DCAKD: variants seen among roughly 807,000 people sequenced by gnomAD.
DCAKD encodes the protein dephospho-CoA kinase domain-containing protein.
In DCAKD, 15 loss-of-function variants were observed where a neutral mutation model predicts 18.7. The ratio of observed to expected loss-of-function variants is 0.80; its 90% confidence interval spans 0.54 to 1.24. The LOEUF (loss-of-function observed/expected upper bound fraction) is 1.24. Ranked by LOEUF, DCAKD falls within the 50% of genes most tolerant of loss-of-function variation. The probability of loss-of-function intolerance (pLI) is 0.00; values close to 1 mark genes in which losing one functional copy is unlikely to be tolerated. For synonymous variants in DCAKD, 130 were observed against 133.0 expected (o/e 0.98, Z 0.16); for missense variants, 301 against 322.0 (o/e 0.93, Z 0.50).
chr17:45,046,840 C>G (rs1217028843), intron 1 of DCAKD, among the ~76,000 whole-genome samples: 1 of 152,038 alleles, frequency 6.6e-6, no homozygotes, highest in Non-Finnish European at 1.5e-5. Flanking sequence ...AAAGGCATAA[C>G]CATCCACCCA....
At chr17:45,046,287 G>A (rs1358734714) in intron 1 of DCAKD, among the ~76,000 whole-genome samples, 1 of 152,170 alleles carries the variant, frequency 6.6e-6, no homozygotes, top group Non-Finnish European at 1.5e-5. Context: ...GAGTGTAAGA[G>A]CAGCACTTTC....
At chr17:45,052,493 T>C (rs1021528594), upstream of DCAKD, among the ~76,000 whole-genome samples, 3 of 152,084 alleles carry the variant, frequency 2.0e-5, no homozygotes, top group African/African-American at 7.2e-5. Context: ...ATCCTGTCCA[T>C]ACAAGCCTAG....
chr17:45,053,194 A>C (rs1316907581), upstream of DCAKD, among the ~76,000 whole-genome samples: 9 of 148,244 alleles, frequency 6.1e-5, no homozygotes, highest in South Asian at 2.1e-4. Context: ...AAAAAAAAAA[A>C]AACTAGTTAT....
Position 45,034,265 on chromosome 17 carries a change from G to C in DCAKD, c.238C>G (p.Arg80Gly). ...TGGGTGATGGCGTTGAGCAGCTGCCGCCGGTCAGGCTGGTTAAAGATCAGG... is the reference window on the plus strand; with the variant it reads ...TGGGTGATGGCGTTGAGCAGCTGCCCCCGGTCAGGCTGGTTAAAGATCAGG... ...GDLIFNQPDR[R>G]QLLNAITHPE... The change falls in exon 3 of 5, where the codon CGG becomes GGG. Residue 80 changes from arginine (R) to glycine (G), a missense_variant. Coordinates refer to ENST00000651974, the MANE Select transcript of DCAKD (RefSeq NM_001288655.2). 1 of 1,614,156 alleles carries C rather than the reference G, an allele frequency of 6.2e-7. No individual in the cohort carries two copies. The highest frequency in any genetic ancestry group is 8.5e-7 in the Non-Finnish European group (1 of 1,180,032).
At chr17:45,058,824 G>A (rs2053816559) in intron 1 of DCAKD, among the ~76,000 whole-genome samples, 2 of 152,152 alleles carry the variant, frequency 1.3e-5, no homozygotes, top group South Asian at 2.1e-4. Context: ...AGAGTTGAGT[G>A]TGGTGACAGC....
Position 45,034,304 on chromosome 17 carries a change from T to C in DCAKD, c.199A>G (p.Lys67Glu). The change falls in exon 3 of 5, where the codon AAG becomes GAG. Residue 67 changes from lysine to glutamate, a missense_variant. Transcript: ENST00000651974. Reference sequence around the variant, plus strand: ...TTAAAGATCAGGTCCCCCAGGACCTTGCGATTTATGTCGCCGTTCTCCAGC... The same window carrying C: ...TTAAAGATCAGGTCCCCCAGGACCTCGCGATTTATGTCGCCGTTCTCCAGC... ...VLLENGDINRKVLGDLIFNQP... is the reference protein window; with the variant it reads ...VLLENGDINREVLGDLIFNQP... 2 of 1,614,154 alleles carry C rather than the reference T, an allele frequency of 1.2e-6. No homozygotes were observed. Among genetic ancestry groups the C allele is most frequent in the Non-Finnish European group, 8.5e-7 (1 of 1,180,034 alleles).
chr17:45,047,042 A>G (rs1363453361), intron 1 of DCAKD, among the ~76,000 whole-genome samples: 1 of 152,070 alleles, frequency 6.6e-6, no homozygotes, highest in Non-Finnish European at 1.5e-5. Flanking sequence ...AGGACCTAAA[A>G]GAACTGTGGA....
At chr17:45,046,615 CA>C (rs746591313) in intron 1 of DCAKD, among the ~76,000 whole-genome samples, 4,742 of 50,086 alleles carry the variant, frequency 0.095, 22 homozygotes, top group Non-Finnish European at 0.12. Context: ...GATTCCATCT[CA>C]AAAAAAAAAA....
At chr17:45,034,433 G>C in intron 2 of DCAKD, 43 bp from the exon 3 acceptor site, 1 of 1,607,312 alleles carries the variant, frequency 6.2e-7, no homozygotes, top group Non-Finnish European at 8.5e-7. Context: ...TGAAGCCTCA[G>C]GGCCAGTCAG....
At chr17:45,033,936 TC>T (rs1324037478) in intron 3 of DCAKD, 6 of 1,531,660 alleles carry the variant, frequency 3.9e-6, no homozygotes, top group Non-Finnish European at 5.3e-6. Flanking sequence ...CCAACTTACT[TC>T]CTGGGCTCAT....
chr17:45,037,644 A>G (rs938330484), intron 1 of DCAKD, among the ~76,000 whole-genome samples: 1 of 152,030 alleles, frequency 6.6e-6, no homozygotes, highest in Non-Finnish European at 1.5e-5. Flanking sequence ...TTTTTAGTAG[A>G]CATGGGGTTT....
intron 4 of DCAKD, chr17:45,026,486 A>G (rs755609426): frequency 1.1e-5 from 5 of 440,474 alleles, no homozygotes; most frequent in Non-Finnish European, 9.0e-6. Flanking sequence ...TCGGCCTCCC[A>G]AAGTGCTGGA....
chr17:45,056,800 C>G (rs1039151264), intron 1 of DCAKD, among the ~76,000 whole-genome samples: 4 of 149,772 alleles, frequency 2.7e-5, no homozygotes, highest in African/African-American at 7.4e-5. Context: ...CAGAGCCTCG[C>G]TCTGTCACCC....
chr17:45,030,266 G>T, intron 3 of DCAKD, 87 bp from the exon 4 acceptor site: 1 of 1,232,112 alleles, frequency 8.1e-7, no homozygotes, highest in Non-Finnish European at 1.2e-6. Flanking sequence ...CGTCCAGAGC[G>T]CCCAGCAGAG....
chr17:45,042,301 ATG>A (rs1419019053), intron 1 of DCAKD, among the ~76,000 whole-genome samples: 1 of 151,982 alleles, frequency 6.6e-6, no homozygotes, highest in Non-Finnish European at 1.5e-5. Context: ...ATTTCTGTTC[ATG>A]TGACTTTTTT....
At position 45,034,978 on chromosome 17, in the gene DCAKD, A is replaced by C. The variant is rs1326015915; in HGVS notation, c.-93T>G. On this transcript the variant is annotated 5_prime_UTR_variant, in exon 2 of 5. Coordinates refer to ENST00000651974, the MANE Select transcript of DCAKD (RefSeq NM_001288655.2). ...CAAGTGTGGCCGATGGGGGCGGTCCACCAGAGGAGTGCCAGAAGGACCTGC... is the reference window on the plus strand; with the variant it reads ...CAAGTGTGGCCGATGGGGGCGGTCCCCCAGAGGAGTGCCAGAAGGACCTGC... The C allele has an allele frequency of 7.4e-7, 1 of 1,343,170 alleles. No individual in the cohort carries two copies. Among genetic ancestry groups the C allele is most frequent in the African/African-American group, 1.4e-5 (1 of 69,358 alleles). 83.2% of individuals were successfully genotyped at this position (1,343,170 alleles called of 1,614,324 possible). A position where few individuals can be genotyped will look rare whatever the true frequency, so the allele number is the denominator to read the frequency against.
In DCAKD at chr17:45,034,207, G is replaced by T. The variant is rs1247162050; in HGVS notation, c.296C>A (p.Thr99Lys). 6.2e-7 allele frequency: 1 copy of T among 1,613,798 alleles called. No individual in the cohort carries two copies. Among genetic ancestry groups the T allele is most frequent in the South Asian group, 1.1e-5 (1 of 91,044 alleles). Residue 99 changes from threonine to lysine, a missense_variant, in exon 3 of 5, where the codon ACG becomes AAG. By Grantham distance (78) the Thr-to-Lys change is moderately conservative (BLOSUM62 -1). Transcript: ENST00000651974. The stretch of plus-strand genomic sequence containing the variant: ...CTTACCCCGGAGGAAGTACTTGAAC[G>T]TCTCCTTCATCATCTCCTTGCGAAT... The part of the protein sequence containing the change: ...PEIRKEMMKE[T>K]FKYFLRGYRY...
At chr17:45,054,667 C>T (rs2053761447), upstream of DCAKD, among the ~76,000 whole-genome samples, 1 of 152,166 alleles carries the variant, frequency 6.6e-6, no homozygotes, top group South Asian at 2.1e-4. Context: ...TTTTATAGAG[C>T]CAGATTTAAT....
upstream of DCAKD, chr17:45,061,106 G>T: frequency 1.5e-6 from 2 of 1,322,748 alleles, no homozygotes; most frequent in Non-Finnish European, 9.7e-7. Context: ...AAGCGTGGCC[G>T]AATGCCTAGG....
Sources: gnomAD v4.1 joint callset for allele counts (sites outside exome capture counted in the v4.1 genomes callset) on GRCh38, gnomAD v4.1.1 for gene constraint, MANE v1.5 for transcripts, NCBI Gene and HGNC (gene_info 2026-07-23, HGNC 2026-07-21) for gene names.